KDM4C: variants seen among roughly 807,000 people sequenced by gnomAD.
The protein encoded by KDM4C is lysine demethylase 4C.
A neutral mutation model predicts 129.3 loss-of-function variants in KDM4C; 81 were observed. The observed-to-expected ratio is 0.63, with a 90% CI of 0.52 to 0.75. The LOEUF is 0.75. KDM4C is among the 30% of genes least tolerant of loss of function. The pLI, the probability that KDM4C is intolerant of heterozygous loss-of-function variation, is 0.00. For missense variants in KDM4C, 1,457 were observed against 1,304.0 expected, an observed-to-expected ratio of 1.12 and a Z score of -1.81; for synonymous variants, 573 against 456.1, an observed-to-expected ratio of 1.26 and a Z score of -3.26.
intron 15 of KDM4C, among the ~76,000 whole-genome samples, chr9:7,022,753 T>G (rs1034963850): frequency 2.6e-5 from 4 of 152,022 alleles, no homozygotes; most frequent in Non-Finnish European, 5.9e-5. Context: ...GGCTTTCAGT[T>G]TTTCACCACT....
chr9:6,906,487 G>T (rs1488123784), intron 8 of KDM4C, among the ~76,000 whole-genome samples: 2 of 152,264 alleles, frequency 1.3e-5, no homozygotes, highest in East Asian at 1.9e-4. Flanking sequence ...GAGGCAAAGG[G>T]CTGGTACACT....
At chr9:6,826,483 C>CA (rs1254722371) in intron 4 of KDM4C, among the ~76,000 whole-genome samples, 1 of 151,986 alleles carries the variant, frequency 6.6e-6, no homozygotes, top group Non-Finnish European at 1.5e-5. Flanking sequence ...TTTTGTGGTA[C>CA]AATGAACATA....
intron 8 of KDM4C, among the ~76,000 whole-genome samples, chr9:6,953,234 A>T (rs1828497893): frequency 6.6e-6 from 1 of 152,228 alleles, no homozygotes; most frequent in Non-Finnish European, 1.5e-5. Flanking sequence ...AGACAGCCTG[A>T]GTGTTCTCAC....
intron 18 of KDM4C, among the ~76,000 whole-genome samples, chr9:7,115,470 A>G (rs1022787041): frequency 4.6e-5 from 7 of 152,236 alleles, no homozygotes; most frequent in Non-Finnish European, 8.8e-5. Context: ...GAATGTGTCA[A>G]CAGACACACA....
chr9:7,048,321 G>A (rs1829695746), intron 16 of KDM4C, among the ~76,000 whole-genome samples: 1 of 152,138 alleles, frequency 6.6e-6, no homozygotes, highest in South Asian at 2.1e-4. Context: ...TTGAAAGACA[G>A]GATAGAGTCT....
At chr9:6,867,838 T>A (rs753284005) in intron 5 of KDM4C, among the ~76,000 whole-genome samples, 5 of 152,132 alleles carry the variant, frequency 3.3e-5, no homozygotes, top group Non-Finnish European at 7.3e-5. Context: ...CCCCTGCACT[T>A]CCCCACTGTC....
At chr9:7,106,166 C>T (rs1837662265) in intron 18 of KDM4C, among the ~76,000 whole-genome samples, 1 of 152,150 alleles carries the variant, frequency 6.6e-6, no homozygotes, top group African/African-American at 2.4e-5. Context: ...GGGAACTAAC[C>T]AGTAGGAATT....
chr9:7,148,152 T>C (rs1010095666), intron 19 of KDM4C, among the ~76,000 whole-genome samples: 1 of 152,196 alleles, frequency 6.6e-6, no homozygotes, highest in Admixed American at 6.5e-5. Flanking sequence ...CTGCTGTGGA[T>C]ATCAGCATCC....
intron 8 of KDM4C, chr9:6,973,796 C>G (rs1286024558): frequency 6.6e-6 from 1 of 152,112 alleles, no homozygotes; most frequent in Admixed American, 6.5e-5. Context: ...TAATATTTAC[C>G]TACATTCATA....
chr9:6,762,625 A>T lies in KDM4C; in HGVS notation c.-18+4422A>T, dbSNP rs565583556. 2.0e-5 allele frequency among the ~76,000 whole-genome samples: 3 copies of T among 147,704 alleles called. No homozygotes were observed. The South Asian group carries it at 6.3e-4, about 31-fold the overall frequency. On this transcript the variant is annotated intron_variant, in intron 1 of 21. Coordinates refer to ENST00000381309, the MANE Select transcript of KDM4C (RefSeq NM_015061.6). ...ATATATATTAGGTCATTGTCTTTAT[A>T]TTATATAATATATAATATAATATAT...
At chr9:7,005,435 CA>C (rs35671520) in intron 12 of KDM4C, among the ~76,000 whole-genome samples, 82 of 124,050 alleles carry the variant, frequency 6.6e-4, no homozygotes, top group Middle Eastern at 4.0e-3. Context: ...AACTCTGTCT[CA>C]AAAAAAAAAA....
rs534378992 is a variant in KDM4C at position 6,926,123 on chromosome 9, C to G, written c.921+32891C>G. On this transcript the variant is annotated intron_variant, in intron 8 of 21. Coordinates refer to ENST00000381309, the MANE Select transcript of KDM4C (RefSeq NM_015061.6). Reference sequence around the variant, plus strand: ...AAGCCCCTTTAGATGGTGGTTCTTTCGTGGACCGGGTGCCTTCTCTTTGTG... The same window carrying G: ...AAGCCCCTTTAGATGGTGGTTCTTTGGTGGACCGGGTGCCTTCTCTTTGTG... Among the ~76,000 whole-genome samples the G allele has an allele frequency of 1.2e-3, 178 of 152,084 alleles. 2 individuals carry two copies. Among genetic ancestry groups the G allele is most frequent in the African/African-American group, 4.1e-3 (170 of 41,488 alleles).
At chr9:6,796,628 T>G (rs1419330980) in intron 2 of KDM4C, among the ~76,000 whole-genome samples, 1 of 152,136 alleles carries the variant, frequency 6.6e-6, no homozygotes, top group Non-Finnish European at 1.5e-5. Flanking sequence ...CTGAATAAAG[T>G]TAATGAGAAC....
intron 17 of KDM4C, among the ~76,000 whole-genome samples, chr9:7,059,799 G>A (rs146792922): frequency 6.6e-6 from 1 of 152,208 alleles, no homozygotes; most frequent in African/African-American, 2.4e-5. Flanking sequence ...TTTTGTTTTA[G>A]AAAATATGGT....
At chr9:6,885,447 T>C (rs1285906017) in intron 6 of KDM4C, among the ~76,000 whole-genome samples, 3 of 152,186 alleles carry the variant, frequency 2.0e-5, no homozygotes, top group African/African-American at 7.2e-5. Flanking sequence ...TTGGTGTTCT[T>C]AGGAAAGGTT....
chr9:7,001,363 C>G (rs1820686428), intron 12 of KDM4C, among the ~76,000 whole-genome samples: 1 of 152,194 alleles, frequency 6.6e-6, no homozygotes, highest in South Asian at 2.1e-4. Flanking sequence ...TTGATGAAGT[C>G]TTTTCTTGAG....
chr9:6,883,371 T>C (rs1844768360), intron 6 of KDM4C, among the ~76,000 whole-genome samples: 2 of 152,218 alleles, frequency 1.3e-5, no homozygotes, highest in South Asian at 4.1e-4. Context: ...TCTGCCTTCA[T>C]GCCTAACTCA....
rs550708681 is a variant in KDM4C at position 7,121,401 on chromosome 9, G to C, written c.2611-6665G>C. Among the ~76,000 whole-genome samples, 3 of 152,240 alleles carry C rather than the reference G, an allele frequency of 2.0e-5. No individual in the cohort carries two copies. The East Asian group carries it at 5.8e-4, about 29-fold the overall frequency. Reference sequence around the variant, plus strand: ...TTAGAGAGAAAGCAGAAGTGTTCAAGCCCTCTTGAACGAAGGACTATGAAT... The same window carrying C: ...TTAGAGAGAAAGCAGAAGTGTTCAACCCCTCTTGAACGAAGGACTATGAAT... On this transcript the variant is annotated intron_variant, in intron 18 of 21. Transcript: ENST00000381309.
chr9:7,132,360 C>G (rs7042899), intron 19 of KDM4C, among the ~76,000 whole-genome samples: 119,324 of 152,144 alleles, frequency 0.78, 47,062 homozygotes, highest in East Asian at 0.83. Flanking sequence ...CTTACGTTAG[C>G]GTTATGTGAC....
Sources: allele counts gnomAD v4.1 joint callset (sites outside exome capture counted in the v4.1 genomes callset), GRCh38; gene constraint gnomAD v4.1.1; transcripts MANE v1.5; gene names NCBI Gene and HGNC (gene_info 2026-07-23, HGNC 2026-07-21).